EPB41L5: variants seen among roughly 807,000 people sequenced by gnomAD.
EPB41L5 encodes band 4.1-like protein 5.
A neutral mutation model predicts 106.6 loss-of-function variants in EPB41L5; 55 were observed. That is an observed-to-expected ratio of 0.52 (90% CI 0.42 to 0.65). EPB41L5 has a LOEUF of 0.65. EPB41L5 is among the 30% of genes least tolerant of loss of function. The pLI is 0.00. For synonymous variants in EPB41L5, 297 were observed against 306.7 expected, an observed-to-expected ratio of 0.97 and a Z score of 0.33; for missense variants, 871 against 882.1, an observed-to-expected ratio of 0.99 and a Z score of 0.16.
At chr2:120,098,864 G>T (rs1683946055) in intron 14 of EPB41L5, among the ~76,000 whole-genome samples, 2 of 152,230 alleles carry the variant, frequency 1.3e-5, no homozygotes, top group African/African-American at 4.8e-5. Context: ...AAAGGCTTCT[G>T]GATCCTCTAT....
intron 4 of EPB41L5, 143 bp from the exon 5 acceptor site, chr2:120,073,957 G>A: frequency 1.7e-6 from 1 of 602,036 alleles, no homozygotes; most frequent in Non-Finnish European, 2.9e-6. Flanking sequence ...CAATCTAATT[G>A]AAGCCTATGA....
At chr2:120,143,518 A>G (rs1686273318) in intron 19 of EPB41L5, among the ~76,000 whole-genome samples, 1 of 152,164 alleles carries the variant, frequency 6.6e-6, no homozygotes, top group African/African-American at 2.4e-5. Context: ...ATGGTGAAGG[A>G]TGGAGGGGGT....
chr2:120,108,389 A>G (rs1431948414), intron 16 of EPB41L5: 1 of 152,108 alleles, frequency 6.6e-6, no homozygotes, highest in African/African-American at 2.4e-5. Context: ...TTTTGTTTTT[A>G]ACTACTTTTA....
intron 19 of EPB41L5, among the ~76,000 whole-genome samples, chr2:120,145,622 T>A (rs1237649273): frequency 6.6e-6 from 1 of 152,230 alleles, no homozygotes; most frequent in Non-Finnish European, 1.5e-5. Flanking sequence ...TTTAAAAAAA[T>A]TTATTAAACT....
At chr2:120,151,938 G>T (rs1379337550) in intron 20 of EPB41L5, among the ~76,000 whole-genome samples, 2 of 152,088 alleles carry the variant, frequency 1.3e-5, no homozygotes, top group Non-Finnish European at 2.9e-5. Flanking sequence ...CATTCTATAA[G>T]ATTTTCTATA....
intron 16 of EPB41L5, among the ~76,000 whole-genome samples, chr2:120,121,714 G>A (rs1048783570): frequency 6.6e-6 from 1 of 152,196 alleles, no homozygotes; most frequent in Non-Finnish European, 1.5e-5. Flanking sequence ...CCAGTAATGG[G>A]ATCTCTGGGT....
At chr2:120,046,581 T>G (rs1291856391) in intron 3 of EPB41L5, among the ~76,000 whole-genome samples, 1 of 152,036 alleles carries the variant, frequency 6.6e-6, no homozygotes, top group Non-Finnish European at 1.5e-5. Context: ...ATGGGTGGAT[T>G]GCAAAAATGT....
At chr2:120,078,841 G>A (rs1171616921) in intron 10 of EPB41L5, among the ~76,000 whole-genome samples, 1 of 151,912 alleles carries the variant, frequency 6.6e-6, no homozygotes, top group Non-Finnish European at 1.5e-5. Context: ...ATTTTTATAT[G>A]TATCAGATGT....
chr2:120,048,711 T>A (rs1226632872), intron 3 of EPB41L5, among the ~76,000 whole-genome samples: 1 of 152,218 alleles, frequency 6.6e-6, no homozygotes, highest in East Asian at 1.9e-4. Context: ...ATGTGTTTGC[T>A]CTTGCTTCTC....
At chr2:120,036,087 A>T (rs1319364122) in intron 2 of EPB41L5, among the ~76,000 whole-genome samples, 1 of 152,210 alleles carries the variant, frequency 6.6e-6, no homozygotes, top group Non-Finnish European at 1.5e-5. Flanking sequence ...TGATAGCAAT[A>T]ACTCAGACAG....
chr2:120,147,624 CAAAAAAAAAA>C (rs60980401), intron 20 of EPB41L5, among the ~76,000 whole-genome samples: 24 of 75,580 alleles, frequency 3.2e-4, no homozygotes, highest in African/African-American at 1.1e-3. Context: ...AACTCTGTCT[CAAAAAAAAAA>C]AAAAAAAAAA....
intron 2 of EPB41L5, among the ~76,000 whole-genome samples, chr2:120,026,272 T>A (rs1678306679): frequency 6.6e-6 from 1 of 152,244 alleles, no homozygotes; most frequent in Non-Finnish European, 1.5e-5. Context: ...GTGTAAATGA[T>A]CAAATCATGG....
chr2:120,108,378 G>T (rs1327267568), intron 16 of EPB41L5: 1 of 151,994 alleles, frequency 6.6e-6, no homozygotes, highest in Non-Finnish European at 1.5e-5. Context: ...AGTTTTATTT[G>T]TTTTGTTTTT....
intron 16 of EPB41L5, 103 bp from the exon 17 acceptor site, chr2:120,127,585 A>G: frequency 1.1e-6 from 1 of 878,780 alleles, no homozygotes; most frequent in Non-Finnish European, 1.7e-6. Context: ...TGGTTGCTTG[A>G]ATTCACAGAT....
intron 12 of EPB41L5, among the ~76,000 whole-genome samples, chr2:120,091,111 C>T (rs556390538): frequency 2.8e-4 from 42 of 152,162 alleles, no homozygotes; most frequent in African/African-American, 9.6e-4. Flanking sequence ...GAGGCATTTT[C>T]TAAACAGAAT....
chr2:120,129,140 C>T lies in EPB41L5; in HGVS notation c.1501+1289C>T, dbSNP rs542659234. Among the ~76,000 whole-genome samples, 682 of 151,970 alleles carry T rather than the reference C, an allele frequency of 4.5e-3. 6 individuals carry two copies. The highest frequency in any genetic ancestry group is 5.8e-3 in the Non-Finnish European group (391 of 67,950). On this transcript the variant is annotated intron_variant, in intron 17 of 24. Transcript: ENST00000263713. Reference sequence around the variant, plus strand: ...CAAACCATGGTACCACGTAATATACCCTTATAACAAACCTGCACATGTGCT... The same window carrying T: ...CAAACCATGGTACCACGTAATATACTCTTATAACAAACCTGCACATGTGCT...
intron 3 of EPB41L5, among the ~76,000 whole-genome samples, chr2:120,064,383 A>G (rs1681301750): frequency 3.3e-5 from 5 of 152,148 alleles, no homozygotes; most frequent in Non-Finnish European, 5.9e-5. Context: ...AGAGACATGT[A>G]GGTTAAGTGA....
At chr2:120,153,984 C>T (rs746935076) in intron 20 of EPB41L5, among the ~76,000 whole-genome samples, 6 of 152,154 alleles carry the variant, frequency 3.9e-5, no homozygotes, top group Non-Finnish European at 5.9e-5. Context: ...AATCCACTTA[C>T]ATCTAAAGTG....
At chr2:120,167,399 G>T (rs1415977021) in intron 22 of EPB41L5, 67 bp from the exon 23 acceptor site, 1 of 1,294,834 alleles carries the variant, frequency 7.7e-7, no homozygotes, top group African/African-American at 1.5e-5. Context: ...ATGTAAGTAA[G>T]TATTATAAGT....
Sources: gnomAD v4.1 joint callset for allele counts (sites outside exome capture counted in the v4.1 genomes callset) on GRCh38, gnomAD v4.1.1 for gene constraint, MANE v1.5 for transcripts, NCBI Gene and HGNC (gene_info 2026-07-23, HGNC 2026-07-21) for gene names.